REDIC1: variants seen among roughly 807,000 people sequenced by gnomAD.
REDIC1 encodes the protein regulator of DNA class I crossover intermediates 1.
the REDIC1 span, among the ~76,000 whole-genome samples, chr12:39,650,622 T>C: frequency 6.6e-6 from 1 of 152,146 alleles, no homozygotes; most frequent in Non-Finnish European, 1.5e-5. This position sits in a 1 kb window ranked among gnomAD's most constrained non-coding sequence, Gnocchi z 4.3. Context: ...CAGGCTGGAG[T>C]GCAGTGGTAC....
the REDIC1 span, among the ~76,000 whole-genome samples, chr12:39,728,437 A>T: frequency 6.6e-6 from 1 of 151,896 alleles, no homozygotes; most frequent in Non-Finnish European, 1.5e-5. Context: ...TTTATGTGTG[A>T]TGGATTATGT....
chr12:39,850,962 C>T, the REDIC1 span, among the ~76,000 whole-genome samples: 8 of 150,136 alleles, frequency 5.3e-5, no homozygotes, highest in South Asian at 2.1e-4. Context: ...TGCAGTGGTG[C>T]GATTTCAGCT....
At chr12:39,781,928 G>A in the REDIC1 span, among the ~76,000 whole-genome samples, 3 of 152,162 alleles carry the variant, frequency 2.0e-5, no homozygotes, top group African/African-American at 7.2e-5. Flanking sequence ...TGGTAATGAA[G>A]AATATTCTGA....
At chr12:39,649,722 T>G in the REDIC1 span, among the ~76,000 whole-genome samples, 3 of 151,940 alleles carry the variant, frequency 2.0e-5, no homozygotes, top group Non-Finnish European at 4.4e-5. Context: ...TAAGTTACAT[T>G]TATAGGGTAC....
At chr12:39,679,232 T>C in the REDIC1 span, among the ~76,000 whole-genome samples, 2 of 152,106 alleles carry the variant, frequency 1.3e-5, no homozygotes, top group Non-Finnish European at 1.5e-5. Flanking sequence ...TGTTCACCAA[T>C]GACATAATAG....
chr12:39,753,221 G>T, the REDIC1 span, among the ~76,000 whole-genome samples: 2 of 152,192 alleles, frequency 1.3e-5, no homozygotes, highest in African/African-American at 4.8e-5. Flanking sequence ...AAGGTTAAAA[G>T]AAGTAGCCTC....
At chr12:39,685,718 C>T in the REDIC1 span, among the ~76,000 whole-genome samples, 1 of 152,140 alleles carries the variant, frequency 6.6e-6, no homozygotes, top group Non-Finnish European at 1.5e-5. Context: ...TCTTAACTCA[C>T]TCCAGCATTA....
At chr12:39,899,277 T>A in the REDIC1 span, among the ~76,000 whole-genome samples, 2 of 152,178 alleles carry the variant, frequency 1.3e-5, no homozygotes, top group Non-Finnish European at 2.9e-5. Context: ...GTAGAGGTGT[T>A]TGCAGTATTC....
chr12:39,627,378 A>G, the REDIC1 span, among the ~76,000 whole-genome samples: 4 of 152,236 alleles, frequency 2.6e-5, no homozygotes, highest in African/African-American at 9.6e-5. Context: ...TTATAATGTG[A>G]TCTTTTTGAA....
the REDIC1 span, among the ~76,000 whole-genome samples, chr12:39,711,581 A>G: frequency 9.2e-5 from 5 of 54,186 alleles, no homozygotes; most frequent in East Asian, 4.8e-4. Flanking sequence ...GTGCATACAC[A>G]TGCATGTGTA....
chr12:39,627,737 C>T, the REDIC1 span, among the ~76,000 whole-genome samples: 2 of 151,908 alleles, frequency 1.3e-5, no homozygotes, highest in South Asian at 2.1e-4. Flanking sequence ...ATACAAACGT[C>T]GAAGTCAAAA....
the REDIC1 span, among the ~76,000 whole-genome samples, chr12:39,693,224 T>C: frequency 6.6e-6 from 1 of 152,278 alleles, no homozygotes; most frequent in Non-Finnish European, 1.5e-5. Flanking sequence ...AATTCTGTAC[T>C]GTCTTTTTAC....
chr12:39,841,880 T>C, the REDIC1 span, among the ~76,000 whole-genome samples: 1 of 152,100 alleles, frequency 6.6e-6, no homozygotes, highest in African/African-American at 2.4e-5. Context: ...CTAGTATTTG[T>C]AGCTATGAAG....
chr12:39,667,653 G>A, the REDIC1 span, among the ~76,000 whole-genome samples: 2 of 152,272 alleles, frequency 1.3e-5, no homozygotes, highest in East Asian at 3.9e-4. Flanking sequence ...TCTGTCTAAT[G>A]TTGACAGTGG....
At chr12:39,737,894 T>C in the REDIC1 span, among the ~76,000 whole-genome samples, 1 of 152,220 alleles carries the variant, frequency 6.6e-6, no homozygotes, top group Non-Finnish European at 1.5e-5. Context: ...CATTCCATCC[T>C]GTGGTTCACA....
chr12:39,899,594 T>C, the REDIC1 span, among the ~76,000 whole-genome samples: 18 of 152,206 alleles, frequency 1.2e-4, no homozygotes, highest in Admixed American at 5.9e-4. Flanking sequence ...TTTGGATCTT[T>C]CCTGCTTTCT....
At chr12:39,876,798 T>C in the REDIC1 span, among the ~76,000 whole-genome samples, 5 of 152,156 alleles carry the variant, frequency 3.3e-5, no homozygotes, top group Non-Finnish European at 7.3e-5. Flanking sequence ...AAAAGGGATA[T>C]GGAACATACT....
chr12:39,764,891 A>C, the REDIC1 span: 15 of 1,600,076 alleles, frequency 9.4e-6, no homozygotes, highest in Non-Finnish European at 1.3e-5. Context: ...TATTAACTTA[A>C]TGTTTTTGAC....
chr12:39,679,572 A>G, the REDIC1 span, among the ~76,000 whole-genome samples: 1 of 152,226 alleles, frequency 6.6e-6, no homozygotes, highest in Non-Finnish European at 1.5e-5. Context: ...ATACTGCCAA[A>G]AGCAATCTAT....
Sources: gnomAD v4.1 joint callset for allele counts (sites outside exome capture counted in the v4.1 genomes callset) on GRCh38, gnomAD v4.1.1 for gene constraint, Gnocchi (gnomAD v3.1) non-coding constraint, MANE v1.5 for transcripts, NCBI Gene and HGNC (gene_info 2026-07-23, HGNC 2026-07-21) for gene names.